The following B3GALT1 variants were observed in gnomAD, a reference collection of about 807,000 sequenced individuals.
The protein encoded by B3GALT1 is beta-1,3-galactosyltransferase 1.
In B3GALT1, 10 loss-of-function variants were observed where a neutral mutation model predicts 23.2. The observed-to-expected ratio is 0.43, with a 90% CI of 0.27 to 0.73. B3GALT1 has a LOEUF of 0.73. B3GALT1 is among the 30% of genes least tolerant of loss of function. The probability of loss-of-function intolerance (pLI) is 0.21; values close to 1 mark genes in which losing one functional copy is unlikely to be tolerated. For missense variants in B3GALT1, 299 were observed against 405.4 expected (o/e 0.74, Z 2.25); for synonymous variants, 156 against 141.5 (o/e 1.10, Z -0.73).
intron 1 of B3GALT1, among the ~76,000 whole-genome samples, chr2:167,330,786 T>C (rs1184002318): frequency 1.3e-5 from 2 of 152,232 alleles, no homozygotes; most frequent in Non-Finnish European, 1.5e-5. Flanking sequence ...TTATATCTCA[T>C]TGAGCTCCTT....
intron 1 of B3GALT1, among the ~76,000 whole-genome samples, chr2:167,419,099 G>T (rs1284397792): frequency 6.6e-6 from 1 of 152,144 alleles, no homozygotes; most frequent in Non-Finnish European, 1.5e-5. Context: ...TTTAGGAATA[G>T]TACATTGAAA....
intron 3 of B3GALT1, among the ~76,000 whole-genome samples, chr2:167,786,877 G>A (rs1688352020): frequency 6.6e-6 from 1 of 151,822 alleles, no homozygotes; most frequent in Non-Finnish European, 1.5e-5. Context: ...CAGACACGGA[G>A]ATTCTGATTT....
At chr2:167,451,819 T>C (rs1316135302) in intron 1 of B3GALT1, among the ~76,000 whole-genome samples, 1 of 152,100 alleles carries the variant, frequency 6.6e-6, no homozygotes, top group Non-Finnish European at 1.5e-5. Context: ...TTCAGGGTGA[T>C]GTATGTCTGA....
intron 1 of B3GALT1, among the ~76,000 whole-genome samples, chr2:167,487,951 C>G (rs1217949629): frequency 6.6e-6 from 1 of 152,020 alleles, no homozygotes; most frequent in African/African-American, 2.4e-5. Context: ...GGGACTTGCT[C>G]ATGGAAAAGA....
intron 1 of B3GALT1, among the ~76,000 whole-genome samples, chr2:167,399,043 TG>T (rs1174792278): frequency 6.6e-6 from 1 of 152,202 alleles, no homozygotes; most frequent in Non-Finnish European, 1.5e-5. Flanking sequence ...CAAACTGCCA[TG>T]GCCATGTCTG....
At chr2:167,475,087 A>G (rs1699470308) in intron 1 of B3GALT1, among the ~76,000 whole-genome samples, 2 of 152,208 alleles carry the variant, frequency 1.3e-5, no homozygotes, top group South Asian at 4.1e-4. Flanking sequence ...GCTTTCTGCA[A>G]TTTCAATTAC....
chr2:167,422,113 A>G (rs1213148988), intron 1 of B3GALT1, among the ~76,000 whole-genome samples: 1 of 151,106 alleles, frequency 6.6e-6, no homozygotes, highest in Non-Finnish European at 1.5e-5. Context: ...GAGAAGAAAG[A>G]ATAAGAAGGG....
intron 4 of B3GALT1, among the ~76,000 whole-genome samples, chr2:167,840,872 T>G (rs1473187771): frequency 2.7e-5 from 4 of 147,300 alleles, no homozygotes; most frequent in Non-Finnish European, 5.9e-5. Context: ...TCATGTCCTT[T>G]GTAGGGACAT....
intron 1 of B3GALT1, among the ~76,000 whole-genome samples, chr2:167,426,594 G>T (rs960746575): frequency 3.3e-5 from 5 of 152,136 alleles, no homozygotes; most frequent in Admixed American, 1.3e-4. Flanking sequence ...AGAAGTGTCT[G>T]TTGTATGTAC....
At chr2:167,468,881 A>C (rs571965221) in intron 1 of B3GALT1, among the ~76,000 whole-genome samples, 16 of 152,290 alleles carry the variant, frequency 1.1e-4, no homozygotes, top group Admixed American at 3.3e-4. Context: ...AAATAATAAT[A>C]ATCATCATAA....
At position 167,444,828 on chromosome 2, in the gene B3GALT1, G is replaced by A. The variant is rs187420052; in HGVS notation, c.-510-45349G>A. 5.3e-5 allele frequency among the ~76,000 whole-genome samples: 8 copies of A among 151,874 alleles called. No individual in the cohort carries two copies. In the East Asian group the frequency reaches 5.8e-4, roughly 11 times the overall value. On this transcript the variant is annotated intron_variant, in intron 1 of 4. Transcript: ENST00000392690. Reference sequence around the variant, plus strand: ...TTTGAAAAAACCAGCTCCTGGATTCGTTGATTTTTTGAAGAGTTTTTTGTG... The same window carrying A: ...TTTGAAAAAACCAGCTCCTGGATTCATTGATTTTTTGAAGAGTTTTTTGTG...
chr2:167,512,115 C>T (rs1426733692), intron 2 of B3GALT1, among the ~76,000 whole-genome samples: 1 of 152,038 alleles, frequency 6.6e-6, no homozygotes, highest in Non-Finnish European at 1.5e-5. Flanking sequence ...TCATGGCACA[C>T]TTTGTATCAC....
chr2:167,502,284 C>T (rs1169450126), intron 2 of B3GALT1, among the ~76,000 whole-genome samples: 4 of 152,116 alleles, frequency 2.6e-5, no homozygotes, highest in Non-Finnish European at 5.9e-5. Context: ...AGAGGGGTGA[C>T]TCCCCAGGAG....
At chr2:167,592,939 G>A (rs557113253) in intron 2 of B3GALT1, among the ~76,000 whole-genome samples, 5 of 152,286 alleles carry the variant, frequency 3.3e-5, no homozygotes, top group South Asian at 2.1e-4. Context: ...AGTGTCATGC[G>A]TAATAAATGC....
intron 1 of B3GALT1, among the ~76,000 whole-genome samples, chr2:167,386,593 T>C (rs1697932431): frequency 6.6e-6 from 1 of 152,186 alleles, no homozygotes; most frequent in Non-Finnish European, 1.5e-5. Flanking sequence ...CATACTATAC[T>C]GGATTATAAA....
chr2:167,655,110 AT>A (rs1029338534), intron 3 of B3GALT1, among the ~76,000 whole-genome samples: 1 of 152,008 alleles, frequency 6.6e-6, no homozygotes, highest in East Asian at 1.9e-4. Context: ...TAATCTTGAT[AT>A]TTTTTTACTA....
chr2:167,583,676 TC>T (rs1558914957), intron 2 of B3GALT1, among the ~76,000 whole-genome samples: 2 of 152,096 alleles, frequency 1.3e-5, no homozygotes, highest in Middle Eastern at 3.4e-3. Flanking sequence ...TTGATATTGA[TC>T]ATACATATAT....
At chr2:167,498,633 G>C (rs1239206200) in intron 2 of B3GALT1, among the ~76,000 whole-genome samples, 1 of 152,060 alleles carries the variant, frequency 6.6e-6, no homozygotes, top group Non-Finnish European at 1.5e-5. Context: ...GAAAAGAGGC[G>C]GGCTTGTTAT....
At chr2:167,513,642 A>G (rs1700060953) in intron 2 of B3GALT1, among the ~76,000 whole-genome samples, 1 of 152,180 alleles carries the variant, frequency 6.6e-6, no homozygotes, top group South Asian at 2.1e-4. Flanking sequence ...AATACATAGT[A>G]TGGATGGGAA....
Sources: gnomAD v4.1 joint callset for allele counts (sites outside exome capture counted in the v4.1 genomes callset) on GRCh38, gnomAD v4.1.1 for gene constraint, MANE v1.5 for transcripts, NCBI Gene and HGNC (gene_info 2026-07-23, HGNC 2026-07-21) for gene names.